INSC: variants seen among roughly 807,000 people sequenced by gnomAD.
The protein encoded by INSC is protein inscuteable homolog.
INSC carries 67 observed loss-of-function variants against 58.6 expected under a neutral mutation model. That is an observed-to-expected ratio of 1.14 (90% confidence interval 0.94 to 1.40). The LOEUF (loss-of-function observed/expected upper bound fraction) is 1.40. INSC is among the 40% of genes most tolerant of loss of function. The pLI is 0.00. For missense variants in INSC, 714 were observed against 692.0 expected (o/e 1.03, Z -0.36); for synonymous variants, 262 against 276.1 (o/e 0.95, Z 0.51).
intron 9 of INSC, among the ~76,000 whole-genome samples, chr11:15,226,253 G>A (rs186298052): frequency 7.7e-4 from 117 of 152,150 alleles, no homozygotes; most frequent in African/African-American, 2.7e-3. Context: ...GTTGGTGGCC[G>A]TCTAACACTG....
intron 2 of INSC, among the ~76,000 whole-genome samples, chr11:15,154,508 T>G (rs942771326): frequency 6.6e-6 from 1 of 152,252 alleles, no homozygotes; most frequent in African/African-American, 2.4e-5. Flanking sequence ...CTTTGTTTCC[T>G]TCTAATGAAG....
intron 5 of INSC, among the ~76,000 whole-genome samples, chr11:15,190,264 A>G (rs560534627): frequency 1.2e-4 from 18 of 152,336 alleles, no homozygotes; most frequent in African/African-American, 2.4e-4. Context: ...GGAGTTCACC[A>G]TTGGCTAATA....
intron 2 of INSC, among the ~76,000 whole-genome samples, chr11:15,165,902 C>G (rs531995428): frequency 1.3e-5 from 2 of 152,186 alleles, no homozygotes; most frequent in South Asian, 4.2e-4. Context: ...TAGATGAACT[C>G]TGGGGACTCT....
At chr11:15,262,351 C>T in the INSC span, among the ~76,000 whole-genome samples, 1 of 152,026 alleles carries the variant, frequency 6.6e-6, no homozygotes, top group African/African-American at 2.4e-5. Flanking sequence ...CAAGTTTTTA[C>T]CATAAAGGCA....
At chr11:15,263,219 C>T in the INSC span, among the ~76,000 whole-genome samples, 1 of 152,022 alleles carries the variant, frequency 6.6e-6, no homozygotes, top group East Asian at 1.9e-4. Flanking sequence ...AAAAATTGAA[C>T]ACAGCGTTAA....
At chr11:15,204,029 C>A (rs1850699398) in intron 7 of INSC, among the ~76,000 whole-genome samples, 2 of 152,260 alleles carry the variant, frequency 1.3e-5, no homozygotes, top group Non-Finnish European at 2.9e-5. Context: ...GCCTTCAAAG[C>A]CAAAAATATT....
intron 1 of INSC, among the ~76,000 whole-genome samples, chr11:15,146,404 A>G (rs940108909): frequency 3.3e-5 from 5 of 152,188 alleles, no homozygotes; most frequent in African/African-American, 1.2e-4. Context: ...CAATAATGAC[A>G]TAGTCTGTGA....
At chr11:15,194,706 T>C (rs2187534) in intron 6 of INSC, among the ~76,000 whole-genome samples, 3,757 of 152,256 alleles carry the variant, frequency 0.025, 138 homozygotes, top group African/African-American at 0.07. Context: ...CCATCAACAG[T>C]TGAGGAAATG....
At chr11:15,183,443 A>ATGTGTG (rs145506306) in intron 5 of INSC, among the ~76,000 whole-genome samples, 1 of 149,330 alleles carries the variant, frequency 6.7e-6, no homozygotes, top group Non-Finnish European at 1.5e-5. Context: ...TAGTGTGTGT[A>ATGTGTG]TGTGTGTGTG....
chr11:15,262,130 C>T, the INSC span, among the ~76,000 whole-genome samples: 35 of 152,202 alleles, frequency 2.3e-4, no homozygotes, highest in Middle Eastern at 6.8e-3. Flanking sequence ...GGCAGCTTGG[C>T]CTCCCCTTGG....
At chr11:15,200,741 GA>G (rs1204731143) in intron 6 of INSC, 82 bp from the exon 7 acceptor site, 11 of 1,587,358 alleles carry the variant, frequency 6.9e-6, no homozygotes, top group Non-Finnish European at 9.5e-6. Flanking sequence ...CATATCTGGC[GA>G]ATCAGGGATG....
chr11:15,168,196 G>T (rs1564880910), intron 2 of INSC, among the ~76,000 whole-genome samples: 1 of 152,142 alleles, frequency 6.6e-6, no homozygotes, highest in Non-Finnish European at 1.5e-5. Context: ...ATGGTGGTTT[G>T]CTGCAACTAT....
intron 7 of INSC, among the ~76,000 whole-genome samples, chr11:15,202,981 G>A (rs1338358512): frequency 2.6e-5 from 4 of 152,194 alleles, no homozygotes; most frequent in African/African-American, 9.7e-5. Context: ...CTCGTAGTCT[G>A]GGGGTTTATT....
intron 5 of INSC, among the ~76,000 whole-genome samples, chr11:15,182,628 CTG>C (rs1036263027): frequency 6.6e-6 from 1 of 152,198 alleles, no homozygotes; most frequent in Non-Finnish European, 1.5e-5. Context: ...CCTGAAAACA[CTG>C]TGTTTCTGCC....
intron 1 of INSC, among the ~76,000 whole-genome samples, chr11:15,143,666 G>A (rs1848426177): frequency 6.6e-6 from 1 of 152,114 alleles, no homozygotes; most frequent in Non-Finnish European, 1.5e-5. Flanking sequence ...ATTTAGAGAG[G>A]GGCATGGCTG....
intron 1 of INSC, among the ~76,000 whole-genome samples, chr11:15,138,965 G>C (rs951362464): frequency 6.6e-6 from 1 of 152,190 alleles, no homozygotes; most frequent in Non-Finnish European, 1.5e-5. Flanking sequence ...GAGGATTTGA[G>C]GAAGAAATAA....
chr11:15,219,337 G>A (rs546963433), intron 7 of INSC, among the ~76,000 whole-genome samples: 1 of 152,324 alleles, frequency 6.6e-6, no homozygotes, highest in South Asian at 2.1e-4. Flanking sequence ...TCCCAACTGA[G>A]GCGTGTTCAT....
chr11:15,131,333 G>T (rs1352865991), intron 1 of INSC, among the ~76,000 whole-genome samples: 1 of 151,498 alleles, frequency 6.6e-6, no homozygotes, highest in East Asian at 1.9e-4. Context: ...ATTTATGTTG[G>T]GGTAGAGATT....
At chr11:15,232,964 G>A (rs1379863507) in intron 9 of INSC, among the ~76,000 whole-genome samples, 1 of 152,162 alleles carries the variant, frequency 6.6e-6, no homozygotes, top group East Asian at 1.9e-4. Flanking sequence ...CTGACTTCTA[G>A]AACTGCAAGA....
Sources: allele counts gnomAD v4.1 joint callset (sites outside exome capture counted in the v4.1 genomes callset), GRCh38; gene constraint gnomAD v4.1.1; transcripts MANE v1.5; gene names NCBI Gene and HGNC (gene_info 2026-07-23, HGNC 2026-07-21).